Variants in FAM222B observed in about 807,000 individuals in gnomAD.
FAM222B encodes the protein family with sequence similarity 222 member B, also known as protein FAM222B.
Under a neutral mutation model 38.0 loss-of-function variants are expected in FAM222B, and 12 were observed. The observed-to-expected ratio is 0.32, with a 90% CI of 0.20 to 0.51. The LOEUF (loss-of-function observed/expected upper bound fraction) is 0.51, where lower values mean the gene tolerates loss of function less well. FAM222B is among the 20% of genes least tolerant of loss of function. The probability of loss-of-function intolerance (pLI) is 0.97; values close to 1 mark genes in which losing one functional copy is unlikely to be tolerated. For synonymous variants in FAM222B, 329 were observed against 317.2 expected, an observed-to-expected ratio of 1.04 and a Z score of -0.40; for missense variants, 716 against 754.2, an observed-to-expected ratio of 0.95 and a Z score of 0.59.
chr17:28,814,970 C>T (rs958872768), intron 1 of FAM222B, among the ~76,000 whole-genome samples: 1 of 150,864 alleles, frequency 6.6e-6, no homozygotes, highest in Non-Finnish European at 1.5e-5. Flanking sequence ...AACGGGGTTT[C>T]ACCATGTTGC....
chr17:28,849,951 C>T (rs1406501213), intron 1 of FAM222B, among the ~76,000 whole-genome samples: 3 of 151,940 alleles, frequency 2.0e-5, no homozygotes, highest in Admixed American at 6.6e-5. Flanking sequence ...GGCGTGGTGG[C>T]GCATGCCTGT....
At chr17:28,804,467 T>C (rs1161602598) in intron 1 of FAM222B, among the ~76,000 whole-genome samples, 1 of 152,066 alleles carries the variant, frequency 6.6e-6, no homozygotes, top group African/African-American at 2.4e-5. Flanking sequence ...CCCGAGTAGC[T>C]GGGACTACAG....
intron 1 of FAM222B, among the ~76,000 whole-genome samples, chr17:28,791,675 ATTTTTTTT>A (rs869183871): frequency 3.4e-5 from 4 of 116,850 alleles, no homozygotes; most frequent in African/African-American, 6.6e-5. Context: ...GAGCCCAGGA[ATTTTTTTT>A]TTTTTTTTTT....
At chr17:28,783,636 C>G (rs941423932) in intron 1 of FAM222B, among the ~76,000 whole-genome samples, 1 of 152,066 alleles carries the variant, frequency 6.6e-6, no homozygotes, top group Non-Finnish European at 1.5e-5. Context: ...CTTCAGCCTC[C>G]CTAGCTGGGA....
At chr17:28,802,915 G>A (rs1210128888) in intron 1 of FAM222B, 1 of 152,148 alleles carries the variant, frequency 6.6e-6, no homozygotes, top group Non-Finnish European at 1.5e-5. Flanking sequence ...TATTCTAAAT[G>A]GATTTCATTT....
intron 1 of FAM222B, among the ~76,000 whole-genome samples, chr17:28,819,672 A>C (rs1024128799): frequency 7.2e-5 from 11 of 152,220 alleles, no homozygotes; most frequent in Non-Finnish European, 1.3e-4. Flanking sequence ...AGAGAACTAA[A>C]ATATGAATAT....
At chr17:28,843,442 C>CTTTTTTTTTT (rs1161514672), upstream of FAM222B, among the ~76,000 whole-genome samples, 1 of 86,978 alleles carries the variant, frequency 1.1e-5, no homozygotes, top group Admixed American at 1.3e-4. Context: ...CAGCCTGGGT[C>CTTTTTTTTTT]TTTTTTTTTT....
chr17:28,772,573 CAAAA>C (rs111471814), intron 1 of FAM222B, among the ~76,000 whole-genome samples: 1 of 93,056 alleles, frequency 1.1e-5, no homozygotes, highest in Admixed American at 1.1e-4. Context: ...AAAAAAAATA[CAAAA>C]AAAAAAAAAA....
At chr17:28,813,009 CGCAGAAATT>C in intron 1 of FAM222B, among the ~76,000 whole-genome samples, 1 of 73,506 alleles carries the variant, frequency 1.4e-5, no homozygotes, top group Non-Finnish European at 2.5e-5. Flanking sequence ...CTTCCCGTGA[CGCAGAAATT>C]AAGCGGGGGG....
intron 1 of FAM222B, among the ~76,000 whole-genome samples, chr17:28,833,515 AG>A (rs2038737391): frequency 6.7e-6 from 1 of 149,128 alleles, no homozygotes; most frequent in Non-Finnish European, 1.5e-5. Context: ...TACTTGGGAG[AG>A]GCAGGAGAAT....
At chr17:28,774,386 T>C (rs756895393) in intron 1 of FAM222B, among the ~76,000 whole-genome samples, 1 of 152,158 alleles carries the variant, frequency 6.6e-6, no homozygotes, top group African/African-American at 2.4e-5. Context: ...TGGCAGAGCC[T>C]CTCTGTGAGC....
At chr17:28,781,739 T>C (rs914045137) in intron 1 of FAM222B, among the ~76,000 whole-genome samples, 1 of 152,148 alleles carries the variant, frequency 6.6e-6, no homozygotes, top group African/African-American at 2.4e-5. Flanking sequence ...GTAACATGAA[T>C]GAACCTGCAG....
intron 1 of FAM222B, among the ~76,000 whole-genome samples, chr17:28,832,690 T>C (rs1353648778): frequency 6.6e-6 from 1 of 152,070 alleles, no homozygotes; most frequent in Non-Finnish European, 1.5e-5. Flanking sequence ...AAACTCTGGG[T>C]ATGAAGGAGA....
intron 1 of FAM222B, among the ~76,000 whole-genome samples, chr17:28,837,068 A>G (rs551192745): frequency 1.2e-4 from 18 of 152,298 alleles, no homozygotes; most frequent in Non-Finnish European, 2.1e-4. Context: ...GTGAGCCAAG[A>G]TCGCACCCCT....
chr17:28,769,279 C>G (rs1038916867), intron 1 of FAM222B, among the ~76,000 whole-genome samples: 1 of 148,418 alleles, frequency 6.7e-6, no homozygotes, highest in African/African-American at 2.5e-5. Flanking sequence ...CCCGGGTTCA[C>G]GCCATTCTCC....
intron 1 of FAM222B, among the ~76,000 whole-genome samples, chr17:28,782,727 G>A (rs948354703): frequency 6.6e-6 from 1 of 152,092 alleles, no homozygotes; most frequent in Non-Finnish European, 1.5e-5. Flanking sequence ...TTCTTGCTGG[G>A]CACAGTGACA....
At chr17:28,815,515 T>C (rs2037987470) in intron 1 of FAM222B, among the ~76,000 whole-genome samples, 1 of 151,864 alleles carries the variant, frequency 6.6e-6, no homozygotes, top group African/African-American at 2.4e-5. Context: ...TGCCCGGCCT[T>C]TATTACATCT....
intron 2 of FAM222B, among the ~76,000 whole-genome samples, chr17:28,761,570 AG>A (rs2035073195): frequency 6.6e-6 from 1 of 152,242 alleles, no homozygotes; most frequent in African/African-American, 2.4e-5. Flanking sequence ...GAACAAAGGT[AG>A]GCTAATGAGC....
At chr17:28,852,762 A>C (rs562893330) in intron 1 of FAM222B, among the ~76,000 whole-genome samples, 62 of 152,146 alleles carry the variant, frequency 4.1e-4, no homozygotes, top group Non-Finnish European at 8.1e-4. Flanking sequence ...CTGAAGAAAA[A>C]AATATCTGGG....
Sources: gnomAD v4.1 joint callset for allele counts (sites outside exome capture counted in the v4.1 genomes callset) on GRCh38, gnomAD v4.1.1 for gene constraint, MANE v1.5 for transcripts, NCBI Gene and HGNC (gene_info 2026-07-23, HGNC 2026-07-21) for gene names.